Variants in ACSF2 observed in about 807,000 individuals in gnomAD.
ACSF2 encodes medium-chain acyl-CoA ligase ACSF2, mitochondrial.
A neutral mutation model predicts 79.3 loss-of-function variants in ACSF2; 52 were observed. The observed-to-expected ratio is 0.66, with a 90% confidence interval of 0.53 to 0.83. ACSF2 has a LOEUF of 0.83. ACSF2 is among the 40% of genes least tolerant of loss of function. The pLI is 0.00. For missense variants in ACSF2, 661 were observed against 803.3 expected (o/e 0.82, Z 2.14); for synonymous variants, 283 against 312.6 (o/e 0.91, Z 1.00).
At chr17:50,435,005 G>C (rs2030276870) in intron 1 of ACSF2, among the ~76,000 whole-genome samples, 2 of 152,076 alleles carry the variant, frequency 1.3e-5, no homozygotes, top group Non-Finnish European at 2.9e-5. Flanking sequence ...CAAGTAGCTG[G>C]GATTACCCGC....
rs762128850 is a variant in ACSF2, at chr17:50,462,309, G to A, written c.626+7G>A. 3 of 1,613,702 alleles carry A rather than the reference G, an allele frequency of 1.9e-6. No homozygotes were observed. Among genetic ancestry groups the A allele is most frequent in the South Asian group, 1.1e-5 (1 of 91,064 alleles). On this transcript the variant is annotated splice_region_variant and intron_variant, in intron 5 of 15. Transcript: ENST00000300441. ...GGGCCTTGAAGAGTCAGAGGTGGGT[G>A]TGTCCCAGGTTAGTGGGTGGTGCAT...
Position 50,474,470 on chromosome 17 carries a change from TGGTAACCCTAA to T in ACSF2, c.1798-31_1798-21del. Reference sequence around the variant, plus strand: ...TTATTCTTGGGTGAACCAAGACAGCTGGTAACCCTAACTCCATTTTCTTTCCTCTAGATCCA... The same window carrying T: ...TTATTCTTGGGTGAACCAAGACAGCTCTCCATTTTCTTTCCTCTAGATCCA... On this transcript the variant is annotated intron_variant, in intron 15 of 15. Coordinates refer to ENST00000300441, the MANE Select transcript of ACSF2 (RefSeq NM_025149.6). The surrounding 1 kb of genome is among the most constrained non-coding windows in gnomAD (Gnocchi z 4.2). 6.2e-7 allele frequency: 1 copy of T among 1,611,182 alleles called. No individual in the cohort carries two copies. Among genetic ancestry groups the T allele is most frequent in the Non-Finnish European group, 8.5e-7 (1 of 1,177,392 alleles).
intron 1 of ACSF2, among the ~76,000 whole-genome samples, chr17:50,438,357 T>C (rs774210992): frequency 6.6e-6 from 1 of 152,274 alleles, no homozygotes; most frequent in Non-Finnish European, 1.5e-5. Flanking sequence ...AGCAGTGAAA[T>C]TGCTGTGCTG....
intron 1 of ACSF2, among the ~76,000 whole-genome samples, chr17:50,430,969 C>T (rs1034885083): frequency 2.0e-5 from 3 of 152,216 alleles, no homozygotes; most frequent in Non-Finnish European, 4.4e-5. Flanking sequence ...TTTACACACA[C>T]ATGGAAAACT....
Position 50,446,173 on chromosome 17 carries a change from ATGTT to A in ACSF2, c.129-14503_129-14500del, listed in dbSNP as rs577522110. Among the ~76,000 whole-genome samples, 29 of 152,266 alleles carry A rather than the reference ATGTT, an allele frequency of 1.9e-4. No individual in the cohort carries two copies. The East Asian group carries it at 5.6e-3, about 29-fold the overall frequency. On this transcript the variant is annotated intron_variant, in intron 1 of 15. Coordinates refer to ENST00000300441, the MANE Select transcript of ACSF2 (RefSeq NM_025149.6). ...GTGCTGCTTTTATTTTTCTGACAGA[ATGTT>A]AAATAGGTACTGCAATGTTGCTAAA...
In ACSF2 at chr17:50,464,310, G is replaced by A. The variant is rs1438361655; in HGVS notation, c.1215+16G>A. The A allele has an allele frequency of 5.6e-6, 9 of 1,613,796 alleles. No individual in the cohort carries two copies. Among genetic ancestry groups the A allele is most frequent in the East Asian group, 2.2e-5 (1 of 44,870 alleles). On this transcript the variant is annotated intron_variant, in intron 10 of 15. Transcript: ENST00000300441. ...GGACCTGGTGGTGAGTGGTGACTGC[G>A]GCCCGGGCTGTGGGCAGGCCAGGCC... is the stretch of plus-strand genomic sequence containing the variant.
At chr17:50,436,753 T>G (rs2030463639) in intron 1 of ACSF2, among the ~76,000 whole-genome samples, 1 of 151,924 alleles carries the variant, frequency 6.6e-6, no homozygotes, top group East Asian at 1.9e-4. Flanking sequence ...TTTTTTTTTT[T>G]TCCTGAGGCT....
At chr17:50,449,536 C>T (rs1286117337) in intron 1 of ACSF2, among the ~76,000 whole-genome samples, 6 of 151,542 alleles carry the variant, frequency 4.0e-5, no homozygotes, top group African/African-American at 1.5e-4. Flanking sequence ...TCCCAAGTAA[C>T]TGGGACTACA....
At position 50,465,823 on chromosome 17, in the gene ACSF2, A is replaced by G. The variant is rs139781004; in HGVS notation, c.1215+1529A>G. 2.4e-5 allele frequency: 38 copies of G among 1,613,786 alleles called. No homozygotes were observed. The African/African-American group carries it at 4.8e-4, about 20-fold the overall frequency. On this transcript the variant is annotated intron_variant, in intron 10 of 15. Transcript: ENST00000300441. The stretch of plus-strand genomic sequence containing the variant: ...GCTGGTTCAAGCGGTTGTTCTCCAA[A>G]TGGACGTGTTTCAGCGTGGTTACAC...
chr17:50,460,428 G>A (rs1266142242), intron 1 of ACSF2: 16 of 533,576 alleles, frequency 3.0e-5, no homozygotes, highest in East Asian at 1.4e-4. Context: ...CACCTTTCCC[G>A]GGAAGGCGAA....
intron 1 of ACSF2, among the ~76,000 whole-genome samples, chr17:50,458,955 A>T (rs1898569832): frequency 6.6e-6 from 1 of 152,250 alleles, no homozygotes; most frequent in Non-Finnish European, 1.5e-5. Context: ...CCCCAGAGAC[A>T]GGGAGCTTCT....
At chr17:50,465,302 TGGC>T in intron 10 of ACSF2, 1 of 1,613,962 alleles carries the variant, frequency 6.2e-7, no homozygotes, top group Admixed American at 1.7e-5. Flanking sequence ...ACCTGTTTAA[TGGC>T]GGCCAGCTTT....
chr17:50,461,320 T>C lies in ACSF2; in HGVS notation c.403T>C (p.Tyr135His). Reference sequence around the variant, plus strand: ...GCTGGGCATGTGGGGACCTAACTCCTATGCATGGGTGCTCATGCAGTTGGC... The same window carrying C: ...GCTGGGCATGTGGGGACCTAACTCCCATGCATGGGTGCTCATGCAGTTGGC... ...DRLGMWGPNS[Y>H]AWVLMQLATA... is the part of the protein sequence containing the mutation. Residue 135 changes from tyrosine to histidine, a missense_variant, in exon 3 of 16, where the codon TAT (tyrosine) becomes CAT (histidine). Physicochemically the swap from Tyr to His is moderately conservative, Grantham distance 83 (BLOSUM62 2). Coordinates refer to ENST00000300441, the MANE Select transcript of ACSF2 (RefSeq NM_025149.6). 1 of 1,614,122 alleles carries C rather than the reference T, an allele frequency of 6.2e-7. No homozygotes were observed. The highest frequency in any genetic ancestry group is 1.1e-5 in the South Asian group (1 of 91,078).
intron 1 of ACSF2, among the ~76,000 whole-genome samples, chr17:50,429,086 C>A (rs970868808): frequency 1.3e-4 from 20 of 152,258 alleles, no homozygotes; most frequent in African/African-American, 4.8e-4. Flanking sequence ...ACTTACCAGA[C>A]CCTGGTTTTG....
In ACSF2 at chr17:50,472,446, G is replaced by A. The variant is rs150743232; in HGVS notation, c.1342G>A (p.Glu448Lys). The A allele has an allele frequency of 2.3e-4, 370 of 1,612,658 alleles. No individual in the cohort carries two copies. Among genetic ancestry groups the A allele is most frequent in the Non-Finnish European group, 3.0e-4 (349 of 1,179,362 alleles). ...PHTEARIMNMEAGTLAKLNTP... is the reference protein window; with the variant it reads ...PHTEARIMNMKAGTLAKLNTP... ...GTCCCAGGCCCGGATCATGAACATG[G>A]AGGCAGGGACGCTGGCAAAGCTGAA... Residue 448 changes from glutamate (E) to lysine (K), a missense_variant, in exon 12 of 16, where the codon GAG (glutamate) becomes AAG (lysine). Coordinates refer to ENST00000300441, the MANE Select transcript of ACSF2 (RefSeq NM_025149.6).
intron 11 of ACSF2, 199 bp from the exon 12 acceptor site, chr17:50,472,229 G>T: frequency 1.7e-6 from 1 of 576,012 alleles, no homozygotes; most frequent in Non-Finnish European, 2.9e-6. Flanking sequence ...TTCATGCCCA[G>T]CTCAGGTCTC....
At chr17:50,437,726 A>G (rs2030549962) in intron 1 of ACSF2, among the ~76,000 whole-genome samples, 1 of 152,080 alleles carries the variant, frequency 6.6e-6, no homozygotes, top group Non-Finnish European at 1.5e-5. Context: ...TGCCCATGCT[A>G]GGAAGTTGCT....
intron 1 of ACSF2, among the ~76,000 whole-genome samples, chr17:50,430,103 G>C (rs1915386783): frequency 6.6e-6 from 1 of 152,190 alleles, no homozygotes; most frequent in African/African-American, 2.4e-5. Context: ...AGTGGCTAAA[G>C]CCTCTCAGAA....
intron 1 of ACSF2, among the ~76,000 whole-genome samples, chr17:50,438,389 T>C (rs954773799): frequency 6.6e-6 from 1 of 152,136 alleles, no homozygotes; most frequent in Non-Finnish European, 1.5e-5. Context: ...TTTTCAGCTT[T>C]TTTACGTATT....
Sources: gnomAD v4.1 joint callset for allele counts (sites outside exome capture counted in the v4.1 genomes callset) on GRCh38, gnomAD v4.1.1 for gene constraint, Gnocchi (gnomAD v3.1) non-coding constraint, MANE v1.5 for transcripts, NCBI Gene and HGNC (gene_info 2026-07-23, HGNC 2026-07-21) for gene names.